Variants in COA1 observed in about 807,000 individuals in gnomAD.
The protein encoded by COA1 is cytochrome c oxidase assembly factor 1.
In COA1, 13 loss-of-function variants were observed where a neutral mutation model predicts 16.0. That is an observed-to-expected ratio of 0.81 (90% CI 0.53 to 1.29). COA1 has a LOEUF of 1.29. Ranked by LOEUF, COA1 falls within the 50% of genes most tolerant of loss-of-function variation. The pLI is 0.00. For synonymous variants in COA1, 65 were observed against 65.7 expected (o/e 0.99, Z 0.05); for missense variants, 179 against 177.0 (o/e 1.01, Z -0.06).
intron 1 of COA1, among the ~76,000 whole-genome samples, chr7:43,680,882 G>C (rs2130407393): frequency 6.6e-6 from 1 of 152,246 alleles, no homozygotes; most frequent in East Asian, 1.9e-4. Flanking sequence ...GAGATGGGAA[G>C]ATGGTTTAAG....
chr7:43,723,513 T>A (rs1368049536), intron 1 of COA1, among the ~76,000 whole-genome samples: 1 of 152,176 alleles, frequency 6.6e-6, no homozygotes. Context: ...GGAGCAGTAG[T>A]ATGATACCGG....
chr7:43,614,750 T>C (rs760216114), intron 6 of COA1, among the ~76,000 whole-genome samples: 3 of 152,200 alleles, frequency 2.0e-5, no homozygotes, highest in Non-Finnish European at 2.9e-5. Flanking sequence ...GTCTCTCACA[T>C]TGGTGTATCA....
chr7:43,671,441 A>G (rs1267419712), intron 1 of COA1, among the ~76,000 whole-genome samples: 1 of 152,200 alleles, frequency 6.6e-6, no homozygotes, highest in Non-Finnish European at 1.5e-5. Context: ...AGACAACCCA[A>G]TTAAAAATGA....
In COA1 at chr7:43,691,358, AGGGAGGGAGGGAGGGAGGG is replaced by A. The variant is rs1563383578; in HGVS notation, c.-39+38052_-39+38070del. On this transcript the variant is annotated intron_variant, in intron 1 of 5. Transcript: ENST00000223336. ...AAGAGAGAGAGGGAGGGAGGGAGGGAGGGAGGGAGGGAGGGAGGGAGGAAGGAAGGAAGGAAGGAAGGAA... is the reference window on the plus strand; with the variant it reads ...AAGAGAGAGAGGGAGGGAGGGAGGGAAGGAAGGAAGGAAGGAAGGAAGGAA... Among the ~76,000 whole-genome samples the A allele has an allele frequency of 5.0e-3, 322 of 64,220 alleles. 2 individuals are homozygous for A. The highest frequency in any genetic ancestry group is 0.021 in the African/African-American group (278 of 13,380). The allele number at this position is 64,220 out of a possible 152,430, so 42.1% of individuals were successfully genotyped here.
At chr7:43,620,698 A>C (rs763997900) in intron 6 of COA1, among the ~76,000 whole-genome samples, 7 of 152,014 alleles carry the variant, frequency 4.6e-5, no homozygotes, top group Non-Finnish European at 1.0e-4. Context: ...GAATATTAAT[A>C]TTTAAAATTT....
At chr7:43,623,414 G>C in intron 6 of COA1, 1 of 628,016 alleles carries the variant, frequency 1.6e-6, no homozygotes. Context: ...ATCTAGTTAG[G>C]CTTTATATTA....
At chr7:43,646,398 A>C (rs1038881406) in intron 3 of COA1, 21 of 359,222 alleles carry the variant, frequency 5.8e-5, no homozygotes, top group Non-Finnish European at 1.1e-5. Context: ...TGTGAGATTC[A>C]ATTCTCACCT....
intron 1 of COA1, among the ~76,000 whole-genome samples, chr7:43,695,092 A>C (rs1422795835): frequency 6.6e-6 from 1 of 152,212 alleles, no homozygotes; most frequent in Non-Finnish European, 1.5e-5. Flanking sequence ...TCTTAGACTA[A>C]GTTACCATCA....
At chr7:43,667,060 C>T (rs1002872591) in intron 1 of COA1, among the ~76,000 whole-genome samples, 18 of 152,114 alleles carry the variant, frequency 1.2e-4, no homozygotes, top group Non-Finnish European at 2.2e-4. Flanking sequence ...TTCATAGAAA[C>T]AAATTGGGGT....
intron 1 of COA1, among the ~76,000 whole-genome samples, chr7:43,728,025 A>G (rs1361375557): frequency 6.8e-6 from 1 of 146,840 alleles, no homozygotes; most frequent in Non-Finnish European, 1.5e-5. Context: ...CCCAGGCTGG[A>G]GTGCAGTGGC....
chr7:43,628,212 G>A (rs994441435), intron 6 of COA1, among the ~76,000 whole-genome samples: 2 of 151,966 alleles, frequency 1.3e-5, no homozygotes, highest in Non-Finnish European at 2.9e-5. Context: ...AGCTGGTCTC[G>A]AACTCCTGAC....
At chr7:43,622,141 G>A (rs1319006684) in intron 6 of COA1, 1 of 152,178 alleles carries the variant, frequency 6.6e-6, no homozygotes, top group Non-Finnish European at 1.5e-5. Flanking sequence ...GGTATTTCCT[G>A]TACCCTTCCT....
At chr7:43,613,943 A>G (rs1344109738) in intron 6 of COA1, among the ~76,000 whole-genome samples, 4 of 152,216 alleles carry the variant, frequency 2.6e-5, no homozygotes, top group Non-Finnish European at 5.9e-5. Context: ...GAGCATCAGT[A>G]TATTACTTGA....
chr7:43,655,030 G>GA (rs35359766), intron 1 of COA1, among the ~76,000 whole-genome samples: 3 of 151,744 alleles, frequency 2.0e-5, no homozygotes, highest in Admixed American at 6.6e-5. Context: ...GCAACTTATT[G>GA]AAAAAAAATC....
intron 3 of COA1, chr7:43,647,069 T>C (rs915559986): frequency 1.6e-4 from 28 of 176,580 alleles, no homozygotes; most frequent in Admixed American, 1.5e-3. Flanking sequence ...TGGTCTCTGC[T>C]TTTATTTTCT....
chr7:43,667,661 T>C (rs569913587), intron 1 of COA1, among the ~76,000 whole-genome samples: 216 of 152,334 alleles, frequency 1.4e-3, no homozygotes, highest in Middle Eastern at 3.4e-3. Context: ...AGATTCTTAA[T>C]AGCCTTGAAG....
At chr7:43,618,864 TG>T (rs1364852375) in intron 6 of COA1, among the ~76,000 whole-genome samples, 1 of 152,154 alleles carries the variant, frequency 6.6e-6, no homozygotes, top group Non-Finnish European at 1.5e-5. Context: ...AGTATGTAAG[TG>T]GCAGCTGAAG....
At chr7:43,657,995 A>G (rs1034414271) in intron 1 of COA1, among the ~76,000 whole-genome samples, 1 of 152,304 alleles carries the variant, frequency 6.6e-6, no homozygotes, top group South Asian at 2.1e-4. Flanking sequence ...ACTGTACTTC[A>G]GCCTGAGAGA....
intron 1 of COA1, among the ~76,000 whole-genome samples, chr7:43,708,032 C>T (rs1383419193): frequency 1.3e-5 from 2 of 152,078 alleles, no homozygotes; most frequent in Admixed American, 1.3e-4. Context: ...GGTGAAACCC[C>T]GTCTCTACTA....
Sources: gnomAD v4.1 joint callset for allele counts (sites outside exome capture counted in the v4.1 genomes callset) on GRCh38, gnomAD v4.1.1 for gene constraint, MANE v1.5 for transcripts, NCBI Gene and HGNC (gene_info 2026-07-23, HGNC 2026-07-21) for gene names.